Variants in MFAP3L observed in about 807,000 individuals in gnomAD.
MFAP3L encodes the protein microfibril associated protein 3 like, also known as microfibrillar-associated protein 3-like.
In MFAP3L, 5 loss-of-function variants were observed where a neutral mutation model predicts 20.0. That is an observed-to-expected ratio of 0.25 (90% confidence interval 0.13 to 0.53). MFAP3L has a LOEUF of 0.53. MFAP3L is among the 20% of genes least tolerant of loss of function. The pLI is 0.96. For missense variants in MFAP3L, 409 were observed against 527.5 expected (o/e 0.78, Z 2.20); for synonymous variants, 219 against 213.0 (o/e 1.03, Z -0.25).
chr4:169,989,860 T>C lies in MFAP3L; in HGVS notation c.*1518A>G, dbSNP rs902541809. On this transcript the variant is annotated 3_prime_UTR_variant, in exon 3 of 3. Transcript: ENST00000361618. ...ATCTTAATTGCAGATGTGGTCCTAA[T>C]GGTTTTTTTGGAAGGAGAAGATCCA... is the stretch of plus-strand genomic sequence containing the variant. The C allele has an allele frequency of 1.3e-5, 2 of 152,232 alleles. No individual in the cohort carries two copies. The highest frequency in any genetic ancestry group is 2.9e-5 in the Non-Finnish European group (2 of 68,032). 9.4% of individuals were successfully genotyped at this position (152,232 alleles called of 1,614,324 possible). A position where few individuals can be genotyped will look rare whatever the true frequency, so the allele number is the denominator to read the frequency against.
Position 169,990,189 on chromosome 4 carries a change from A to C in MFAP3L, c.*1189T>G, listed in dbSNP as rs1177808975. On this transcript the variant is annotated 3_prime_UTR_variant, in exon 3 of 3. Coordinates refer to ENST00000361618, the MANE Select transcript of MFAP3L (RefSeq NM_021647.8). ...GGATGACTAATTTTGTCTTCTTTCC[A>C]TAACATCACGCACCTCACATATAAC... The C allele has an allele frequency of 1.3e-5, 2 of 152,250 alleles. No individual in the cohort carries two copies. The highest frequency in any genetic ancestry group is 2.9e-5 in the Non-Finnish European group (2 of 68,046). 9.4% of individuals were successfully genotyped at this position (152,250 alleles called of 1,614,324 possible). A position where few individuals can be genotyped will look rare whatever the true frequency, so the allele number is the denominator to read the frequency against.
intron 1 of MFAP3L, 91 bp downstream of exon 1, chr4:170,026,143 C>T: frequency 5.3e-6 from 4 of 756,270 alleles, no homozygotes; most frequent in Non-Finnish European, 6.4e-6. Flanking sequence ...GAAAGTTCGG[C>T]GGCCCCGGCG....
rs947375473 is a variant in MFAP3L at position 169,992,428 on chromosome 4, C to T, written c.299-119G>A. 17 of 885,124 alleles carry T rather than the reference C, an allele frequency of 1.9e-5. No individual in the cohort carries two copies. The highest frequency in any genetic ancestry group is 2.4e-5 in the Non-Finnish European group (14 of 581,472). 54.8% of individuals were successfully genotyped at this position (885,124 alleles called of 1,614,324 possible). ...GAAGAACATCTATGAAGTCTATGAA[C>T]GTCGACTTCACATGCTTACTATGCG... On this transcript the variant is annotated intron_variant, in intron 2 of 2. Transcript: ENST00000361618. The surrounding 1 kb of genome is among the most constrained non-coding windows in gnomAD (Gnocchi z 4.3).
intron 1 of MFAP3L, among the ~76,000 whole-genome samples, chr4:170,008,903 T>C (rs1051773254): frequency 1.3e-5 from 2 of 152,344 alleles, no homozygotes; most frequent in South Asian, 2.1e-4. Context: ...TAGGCACCCA[T>C]AATCACGTTT....
chr4:170,005,462 AACAAG>A (rs1452320173), intron 2 of MFAP3L, 113 bp downstream of exon 2: 9 of 1,192,446 alleles, frequency 7.5e-6, no homozygotes, highest in Non-Finnish European at 9.4e-6. Flanking sequence ...GCCTTAGAAA[AACAAG>A]ACAAGATGAG....
rs1483647517 is a variant in MFAP3L, at chr4:169,987,022, C to T, written c.*4356G>A. 1.3e-5 allele frequency: 2 copies of T among 152,116 alleles called. No homozygotes were observed. Among genetic ancestry groups the T allele is most frequent in the African/African-American group, 4.8e-5 (2 of 41,426 alleles). The allele number at this position is 152,116 out of a possible 1,614,324, so 9.4% of individuals were successfully genotyped here. ...TTGATTGTAGTATTCTTAGTATCAG[C>T]CTCTTTATAAATTCTATCTCTAAAA... On this transcript the variant is annotated 3_prime_UTR_variant, in exon 3 of 3. Coordinates refer to ENST00000361618, the MANE Select transcript of MFAP3L (RefSeq NM_021647.8).
intron 2 of MFAP3L, among the ~76,000 whole-genome samples, chr4:170,001,414 A>G (rs1738609017): frequency 1.3e-5 from 2 of 152,262 alleles, no homozygotes; most frequent in South Asian, 4.1e-4. Flanking sequence ...AGACACTACA[A>G]GAGCACAGAA....
chr4:170,023,590 T>G (rs1740170220), intron 1 of MFAP3L, among the ~76,000 whole-genome samples: 1 of 152,216 alleles, frequency 6.6e-6, no homozygotes, highest in African/African-American at 2.4e-5. Flanking sequence ...TGCCATAGAT[T>G]GAAAACATTG....
intron 2 of MFAP3L, among the ~76,000 whole-genome samples, chr4:169,999,974 A>G (rs924416488): frequency 6.6e-6 from 1 of 152,204 alleles, no homozygotes; most frequent in African/African-American, 2.4e-5. Flanking sequence ...ACTTGAAGCC[A>G]GGAGCACAAC....
In MFAP3L at chr4:169,986,940, T is replaced by C. The variant is rs1379481114; in HGVS notation, c.*4438A>G. 1.3e-5 allele frequency: 2 copies of C among 152,316 alleles called. No homozygotes were observed. Among genetic ancestry groups the C allele is most frequent in the Admixed American group, 6.5e-5 (1 of 15,290 alleles). The allele number at this position is 152,316 out of a possible 1,614,324, so 9.4% of individuals were successfully genotyped here. A position where few individuals can be genotyped will look rare whatever the true frequency, so the allele number is the denominator to read the frequency against. On this transcript the variant is annotated 3_prime_UTR_variant, in exon 3 of 3. Coordinates refer to ENST00000361618, the MANE Select transcript of MFAP3L (RefSeq NM_021647.8). Reference sequence around the variant, plus strand: ...TTATTGGCTAAATAAAAATAATTTATGCCAGAATATTCTTAGAACTATTTA... The same window carrying C: ...TTATTGGCTAAATAAAAATAATTTACGCCAGAATATTCTTAGAACTATTTA...
chr4:169,991,611 G>A lies in MFAP3L; in HGVS notation c.997C>T (p.Gln333Ter). 2 of 1,614,124 alleles carry A rather than the reference G, an allele frequency of 1.2e-6. No individual in the cohort carries two copies. Among genetic ancestry groups the A allele is most frequent in the East Asian group, 2.2e-5 (1 of 44,888 alleles). Reference sequence around the variant, plus strand: ...TTGACTTCAAACTGTCCACCCTCTTGGTCATCTGCATGCTCTTTTTTGGAC... The same window carrying A: ...TTGACTTCAAACTGTCCACCCTCTTAGTCATCTGCATGCTCTTTTTTGGAC... ...PQSKKEHADD[Q>*]EGGQFEVKDV... is the part of the protein sequence containing the mutation. Residue 333 changes from glutamine (Q) to a stop codon, truncating the protein, a stop_gained, in exon 3 of 3, where the codon CAA (glutamine) becomes TAA (stop). Transcript: ENST00000361618. LOFTEE classifies it high-confidence loss of function. This position sits in a 1 kb window ranked among gnomAD's most constrained non-coding sequence, Gnocchi z 4.9.
chr4:170,024,950 T>C (rs1740258868), intron 1 of MFAP3L, among the ~76,000 whole-genome samples: 1 of 152,230 alleles, frequency 6.6e-6, no homozygotes, highest in African/African-American at 2.4e-5. Flanking sequence ...ATAAGCTTAA[T>C]GAATAAAACA....
At chr4:170,020,687 C>G (rs542067718) in intron 1 of MFAP3L, among the ~76,000 whole-genome samples, 12 of 148,922 alleles carry the variant, frequency 8.1e-5, no homozygotes, top group African/African-American at 9.9e-5. Context: ...ATCTCCCCAA[C>G]CCCAGCAAGT....
At chr4:169,999,191 A>G (rs1390408984) in intron 2 of MFAP3L, among the ~76,000 whole-genome samples, 1 of 151,974 alleles carries the variant, frequency 6.6e-6, no homozygotes, top group African/African-American at 2.4e-5. Flanking sequence ...CCCACTCACA[A>G]CCCTCCCAAG....
At position 169,992,998 on chromosome 4, in the gene MFAP3L, G is replaced by C. The variant is rs1255613195; in HGVS notation, c.299-689C>G. ...TATGAATTAATATCAATTTGTTTTA[G>C]CCTTGCAAATAAATTACAGACCCAT... On this transcript the variant is annotated intron_variant, in intron 2 of 2. Transcript: ENST00000361618. The surrounding 1 kb of genome is among the most constrained non-coding windows in gnomAD (Gnocchi z 4.3). Among the ~76,000 whole-genome samples the C allele has an allele frequency of 6.6e-6, 1 of 152,140 alleles. No homozygotes were observed. Among genetic ancestry groups the C allele is most frequent in the Non-Finnish European group, 1.5e-5 (1 of 68,032 alleles).
intron 1 of MFAP3L, 105 bp from the exon 2 acceptor site, chr4:170,006,115 C>CAT: frequency 1.7e-6 from 1 of 605,318 alleles, no homozygotes; most frequent in Non-Finnish European, 2.3e-6. Flanking sequence ...CATCAACATA[C>CAT]TTTTTTTTTT....
At chr4:170,006,398 C>A (rs1739038133) in intron 1 of MFAP3L, among the ~76,000 whole-genome samples, 1 of 152,170 alleles carries the variant, frequency 6.6e-6, no homozygotes, top group Non-Finnish European at 1.5e-5. Flanking sequence ...CAGGCGTGAG[C>A]CACCGCACCC....
intron 1 of MFAP3L, among the ~76,000 whole-genome samples, chr4:170,012,372 T>C (rs1252700838): frequency 1.3e-5 from 2 of 152,192 alleles, no homozygotes; most frequent in East Asian, 1.9e-4. Flanking sequence ...AGTGTCTCAT[T>C]TACTAAAAAC....
At chr4:170,025,382 G>A (rs916030738) in intron 1 of MFAP3L, among the ~76,000 whole-genome samples, 3 of 152,124 alleles carry the variant, frequency 2.0e-5, no homozygotes, top group African/African-American at 7.2e-5. Flanking sequence ...CGAAGATAAC[G>A]CAAAATAAAG....
Sources: gnomAD v4.1 joint callset for allele counts (sites outside exome capture counted in the v4.1 genomes callset) on GRCh38, gnomAD v4.1.1 for gene constraint, Gnocchi (gnomAD v3.1) non-coding constraint, MANE v1.5 for transcripts, NCBI Gene and HGNC (gene_info 2026-07-23, HGNC 2026-07-21) for gene names.